SOS2: variants seen among roughly 807,000 people sequenced by gnomAD.
SOS2 encodes the protein son of sevenless homolog 2.
Under a neutral mutation model 148.2 loss-of-function variants are expected in SOS2, and 65 were observed. The ratio of observed to expected loss-of-function variants is 0.44; its 90% CI spans 0.36 to 0.54. The LOEUF (loss-of-function observed/expected upper bound fraction) is 0.54, where lower values mean the gene tolerates loss of function less well. Ranked by LOEUF, SOS2 falls within the 20% of genes least tolerant of loss-of-function variation. The pLI is 0.00. For missense variants in SOS2, 1,341 were observed against 1,590.2 expected, an observed-to-expected ratio of 0.84 and a Z score of 2.67; for synonymous variants, 539 against 537.1, an observed-to-expected ratio of 1.00 and a Z score of -0.05.
intron 4 of SOS2, among the ~76,000 whole-genome samples, chr14:50,197,024 C>G (rs1024745251): frequency 1.3e-5 from 2 of 151,964 alleles, no homozygotes; most frequent in African/African-American, 4.8e-5. Context: ...CAAGCACACG[C>G]CCGGATAATT....
chr14:50,135,796 T>C (rs897080682), intron 18 of SOS2, among the ~76,000 whole-genome samples: 5 of 151,318 alleles, frequency 3.3e-5, no homozygotes, highest in African/African-American at 1.2e-4. Flanking sequence ...TATTTCAGAA[T>C]GTAATAATCT....
At chr14:50,151,665 T>G in intron 13 of SOS2, among the ~76,000 whole-genome samples, 1 of 152,236 alleles carries the variant, frequency 6.6e-6, no homozygotes, top group East Asian at 1.9e-4. Flanking sequence ...AATGTGTGTG[T>G]GTATTTTAGA....
intron 1 of SOS2, chr14:50,215,480 TATC>T: frequency 8.1e-7 from 1 of 1,242,034 alleles, no homozygotes; most frequent in Non-Finnish European, 1.0e-6. Flanking sequence ...CCAATTTGCC[TATC>T]ATATTTTTTG....
At chr14:50,131,178 T>C (rs1280255555) in intron 19 of SOS2, among the ~76,000 whole-genome samples, 1 of 152,186 alleles carries the variant, frequency 6.6e-6, no homozygotes, top group Non-Finnish European at 1.5e-5. Context: ...CTATACTAAA[T>C]GATCAACCTC....
intron 17 of SOS2, among the ~76,000 whole-genome samples, chr14:50,139,347 G>A (rs1250642003): frequency 1.3e-5 from 2 of 152,186 alleles, no homozygotes; most frequent in East Asian, 1.9e-4. Flanking sequence ...TTCTCAGCTG[G>A]GGACAATTTA....
At chr14:50,219,438 G>T (rs1887137088) in intron 1 of SOS2, among the ~76,000 whole-genome samples, 1 of 152,098 alleles carries the variant, frequency 6.6e-6, no homozygotes, top group Non-Finnish European at 1.5e-5. Context: ...TGTACTGTAT[G>T]ATTCTATCAG....
rs748295112 is a variant in SOS2, at chr14:50,130,571, T to C, written c.3267A>G (p.Pro1089=). The change falls in exon 20 of 23, where the codon CCA becomes CCG. Residue 1089 remains proline, a synonymous_variant. Coordinates refer to ENST00000216373, the MANE Select transcript of SOS2 (RefSeq NM_006939.4). ...TVSAPTSPNT[P]STPPVSASSD... ...AAGAAGCAGATACTGGTGGAGTAGATGGTGTATTTGGAGAGGTTGGTGCTG... is the reference window on the plus strand; with the variant it reads ...AAGAAGCAGATACTGGTGGAGTAGACGGTGTATTTGGAGAGGTTGGTGCTG... 1.9e-6 allele frequency: 3 copies of C among 1,613,598 alleles called. No homozygotes were observed. The highest frequency in any genetic ancestry group is 2.5e-6 in the Non-Finnish European group (3 of 1,179,636).
chr14:50,195,823 G>T (rs1427243290), intron 4 of SOS2, among the ~76,000 whole-genome samples: 1 of 151,584 alleles, frequency 6.6e-6, no homozygotes, highest in Non-Finnish European at 1.5e-5. Flanking sequence ...AAGGTCAGGA[G>T]TTCGAGACCA....
At chr14:50,202,545 G>A (rs886762771) in intron 2 of SOS2, among the ~76,000 whole-genome samples, 3 of 151,930 alleles carry the variant, frequency 2.0e-5, no homozygotes, top group South Asian at 4.2e-4. Context: ...ACCAGCATGC[G>A]CAATGTAGGG....
chr14:50,190,640 A>G (rs73289637), intron 4 of SOS2, among the ~76,000 whole-genome samples: 33,131 of 152,184 alleles, frequency 0.22, 3,979 homozygotes, highest in East Asian at 0.45. Flanking sequence ...AAAATAAATG[A>G]TACATAAAAA....
chr14:50,219,418 A>T (rs367569102), intron 1 of SOS2, among the ~76,000 whole-genome samples: 1 of 152,348 alleles, frequency 6.6e-6, no homozygotes, highest in East Asian at 1.9e-4. Flanking sequence ...CAGATTGAAA[A>T]AAAAGAGTAT....
chr14:50,146,413 G>A (rs1221708073), intron 14 of SOS2, among the ~76,000 whole-genome samples: 1 of 152,174 alleles, frequency 6.6e-6, no homozygotes. Flanking sequence ...GGAGGCTGAG[G>A]CGGGCAGATC....
intron 8 of SOS2, among the ~76,000 whole-genome samples, chr14:50,168,709 C>T (rs1594987907): frequency 1.3e-5 from 2 of 152,038 alleles, no homozygotes; most frequent in Admixed American, 1.3e-4. Context: ...CAGTACTCAT[C>T]CAAAATAAAT....
chr14:50,186,598 T>C (rs1314241704), intron 5 of SOS2, among the ~76,000 whole-genome samples: 4 of 145,144 alleles, frequency 2.8e-5, no homozygotes, highest in East Asian at 2.0e-4. Flanking sequence ...CTGAACAACA[T>C]AGCAAGACCC....
Position 50,161,216 on chromosome 14 carries a change from G to A in SOS2, c.1196+266C>T, listed in dbSNP as rs7154516. Among the ~76,000 whole-genome samples, 90,175 of 149,806 alleles carry A rather than the reference G, an allele frequency of 0.6. 27,731 individuals carry two copies. Among genetic ancestry groups the A allele is most frequent in the Middle Eastern group, 0.68 (199 of 292 alleles). On this transcript the variant is annotated intron_variant, in intron 9 of 22. Coordinates refer to ENST00000216373, the MANE Select transcript of SOS2 (RefSeq NM_006939.4). ...GCGAAGGCAGGAGAATCATTGGAAC[G>A]CAGGAGGCTAAGGCTGCAGGTTGCA... is the stretch of plus-strand genomic sequence containing the variant.
In SOS2 at chr14:50,118,109, C is replaced by T. The variant is rs1883350778; in HGVS notation, c.*235G>A. 3 of 466,334 alleles carry T rather than the reference C, an allele frequency of 6.4e-6. No individual in the cohort carries two copies. The highest frequency in any genetic ancestry group is 2.0e-5 in the African/African-American group (1 of 50,354). The allele number at this position is 466,334 out of a possible 1,614,324, so 28.9% of individuals were successfully genotyped here. A position where few individuals can be genotyped will look rare whatever the true frequency, so the allele number is the denominator to read the frequency against. ...TGCAAATATAAATTCTTTATACTGG[C>T]CTTTTGGCAGCACTGAGGATCCAAG... On this transcript the variant is annotated 3_prime_UTR_variant, in exon 23 of 23. Coordinates refer to ENST00000216373, the MANE Select transcript of SOS2 (RefSeq NM_006939.4).
chr14:50,177,418 AT>A (rs1038157246), intron 7 of SOS2, among the ~76,000 whole-genome samples: 6 of 151,358 alleles, frequency 4.0e-5, no homozygotes, highest in African/African-American at 7.3e-5. Context: ...AACTGAATGA[AT>A]TTTTTTTTAA....
At chr14:50,228,120 C>A (rs1454825820) in intron 1 of SOS2, among the ~76,000 whole-genome samples, 1 of 150,984 alleles carries the variant, frequency 6.6e-6, no homozygotes, top group Non-Finnish European at 1.5e-5. Context: ...CGGCTCACTG[C>A]AACCTCTGCC....
intron 3 of SOS2, among the ~76,000 whole-genome samples, chr14:50,200,435 G>A (rs1170347939): frequency 6.6e-6 from 1 of 152,094 alleles, no homozygotes; most frequent in East Asian, 1.9e-4. Flanking sequence ...TTTAAAGACA[G>A]TTCTGAACTC....
Sources: allele counts gnomAD v4.1 joint callset (sites outside exome capture counted in the v4.1 genomes callset), GRCh38; gene constraint gnomAD v4.1.1; transcripts MANE v1.5; gene names NCBI Gene and HGNC (gene_info 2026-07-23, HGNC 2026-07-21).